Variants in SUSD4 observed in about 807,000 individuals in gnomAD.
SUSD4 encodes sushi domain-containing protein 4.
Under a neutral mutation model 50.5 loss-of-function variants are expected in SUSD4, and 41 were observed. The ratio of observed to expected loss-of-function variants is 0.81; its 90% CI spans 0.63 to 1.05. SUSD4 has a LOEUF of 1.05. SUSD4 is among the 50% of genes least tolerant of loss of function. The pLI is 0.00. For synonymous variants in SUSD4, 257 were observed against 257.3 expected, an observed-to-expected ratio of 1.00 and a Z score of 0.01; for missense variants, 580 against 634.7, an observed-to-expected ratio of 0.91 and a Z score of 0.93.
At chr1:223,300,446 A>C (rs1381243130) in intron 2 of SUSD4, among the ~76,000 whole-genome samples, 1 of 152,184 alleles carries the variant, frequency 6.6e-6, no homozygotes, top group East Asian at 1.9e-4. Context: ...GCTGAAACCT[A>C]CCAGTTTTAC....
At chr1:223,292,940 C>G (rs778037623) in intron 2 of SUSD4, among the ~76,000 whole-genome samples, 11 of 152,128 alleles carry the variant, frequency 7.2e-5, no homozygotes, top group Non-Finnish European at 1.3e-4. Flanking sequence ...ACAAGTGCCA[C>G]AAAAGATGTA....
At chr1:223,274,252 G>A (rs1322574786) in intron 3 of SUSD4, among the ~76,000 whole-genome samples, 1 of 152,136 alleles carries the variant, frequency 6.6e-6, no homozygotes, top group East Asian at 1.9e-4. Context: ...AACCAACTGA[G>A]ACGAATGATT....
intron 2 of SUSD4, among the ~76,000 whole-genome samples, chr1:223,303,406 A>G (rs2103186423): frequency 6.6e-6 from 1 of 152,370 alleles, no homozygotes. Flanking sequence ...ACAGGCATTC[A>G]TTCAACCAAC....
At chr1:223,273,930 G>A (rs1663087126) in intron 3 of SUSD4, among the ~76,000 whole-genome samples, 1 of 152,176 alleles carries the variant, frequency 6.6e-6, no homozygotes, top group African/African-American at 2.4e-5. Context: ...TTAGCCATGA[G>A]TAGAATAGTT....
intron 2 of SUSD4, among the ~76,000 whole-genome samples, chr1:223,338,053 G>T (rs1667552626): frequency 6.6e-6 from 1 of 152,186 alleles, no homozygotes; most frequent in African/African-American, 2.4e-5. Flanking sequence ...GATCTGCCAG[G>T]CTAATGCAAA....
intron 5 of SUSD4, among the ~76,000 whole-genome samples, chr1:223,255,597 C>CCTTA (rs1661628716): frequency 6.6e-6 from 1 of 152,068 alleles, no homozygotes; most frequent in Admixed American, 6.5e-5. Flanking sequence ...ACTCCCAGGG[C>CCTTA]CTTAGAGCCT....
chr1:223,340,151 C>G (rs926529232), intron 2 of SUSD4, among the ~76,000 whole-genome samples: 4 of 152,244 alleles, frequency 2.6e-5, no homozygotes. Flanking sequence ...GGGCTTCAGT[C>G]TAGGCCCAGC....
At chr1:223,260,416 T>C (rs1317353542) in intron 5 of SUSD4, among the ~76,000 whole-genome samples, 3 of 152,214 alleles carry the variant, frequency 2.0e-5, no homozygotes, top group Non-Finnish European at 4.4e-5. Context: ...AGAGCTTTTT[T>C]AGTTTTTAAA....
chr1:223,363,702 GC>G, intron 1 of SUSD4: 1 of 426,256 alleles, frequency 2.3e-6, no homozygotes, highest in Non-Finnish European at 4.2e-6. Context: ...AGGAGGGAGG[GC>G]AGGGGTTAGC....
At chr1:223,326,708 A>G (rs970225362) in intron 2 of SUSD4, among the ~76,000 whole-genome samples, 5 of 152,242 alleles carry the variant, frequency 3.3e-5, no homozygotes, top group African/African-American at 1.2e-4. Flanking sequence ...ATATTTCTCA[A>G]AAGAAGATAT....
intron 5 of SUSD4, among the ~76,000 whole-genome samples, chr1:223,245,868 T>C (rs1034419686): frequency 8.5e-5 from 13 of 152,228 alleles, no homozygotes; most frequent in African/African-American, 2.7e-4. Flanking sequence ...CCCAGATTTC[T>C]GACCTGGCTC....
intron 3 of SUSD4, among the ~76,000 whole-genome samples, 157 bp downstream of exon 3, chr1:223,292,282 C>A (rs1664541108): frequency 6.6e-6 from 1 of 152,214 alleles, no homozygotes; most frequent in East Asian, 1.9e-4. Flanking sequence ...TCTATCCCAA[C>A]CCTCATTACC....
intron 2 of SUSD4, among the ~76,000 whole-genome samples, chr1:223,299,998 T>G (rs370019444): frequency 1.3e-5 from 2 of 152,244 alleles, no homozygotes; most frequent in East Asian, 1.9e-4. Context: ...CTAAAAATAC[T>G]AGAGTACTTT....
At chr1:223,224,104 TTTG>T (rs1659329256) in intron 7 of SUSD4, among the ~76,000 whole-genome samples, 1 of 152,200 alleles carries the variant, frequency 6.6e-6, no homozygotes, top group Non-Finnish European at 1.5e-5. Context: ...ATCCCAGCAC[TTTG>T]GGAGGTTTTG....
chr1:223,331,683 G>T (rs576848992), intron 2 of SUSD4, among the ~76,000 whole-genome samples: 1 of 152,074 alleles, frequency 6.6e-6, no homozygotes, highest in South Asian at 2.1e-4. Context: ...CACATTTTTC[G>T]AGGCCTCAAC....
intron 3 of SUSD4, among the ~76,000 whole-genome samples, chr1:223,284,830 A>T (rs1288784408): frequency 6.6e-6 from 1 of 152,206 alleles, no homozygotes; most frequent in Admixed American, 6.5e-5. Flanking sequence ...TCATAGAAGT[A>T]AAAAGTAGAA....
chr1:223,314,513 G>C (rs775459366), intron 2 of SUSD4, among the ~76,000 whole-genome samples: 1 of 152,074 alleles, frequency 6.6e-6, no homozygotes, highest in African/African-American at 2.4e-5. Flanking sequence ...AGCTGAAAAG[G>C]CTCCATGATA....
intron 2 of SUSD4, among the ~76,000 whole-genome samples, chr1:223,326,036 G>A (rs1242947186): frequency 1.3e-5 from 2 of 151,854 alleles, no homozygotes; most frequent in African/African-American, 4.8e-5. Flanking sequence ...AATTCATATG[G>A]TACCAAAAAA....
chr1:223,267,937 T>C (rs1662604779), intron 4 of SUSD4, among the ~76,000 whole-genome samples: 1 of 148,634 alleles, frequency 6.7e-6, no homozygotes, highest in African/African-American at 2.5e-5. Context: ...TCTAAAAAAA[T>C]GCAAGGGAAT....
Sources: gnomAD v4.1 joint callset for allele counts (sites outside exome capture counted in the v4.1 genomes callset) on GRCh38, gnomAD v4.1.1 for gene constraint, MANE v1.5 for transcripts, NCBI Gene and HGNC (gene_info 2026-07-23, HGNC 2026-07-21) for gene names.